ZNF676: variants seen among roughly 807,000 people sequenced by gnomAD.
ZNF676 encodes the protein zinc finger protein 676.
A neutral mutation model predicts 6.0 loss-of-function variants in ZNF676; 4 were observed. That is an observed-to-expected ratio of 0.67 (90% confidence interval 0.33 to 1.53). The LOEUF is 1.53. Among genes scored for constraint, ZNF676 ranks in the 40% most tolerant of loss-of-function variants. The pLI is 0.06. For synonymous variants in ZNF676, 198 were observed against 223.1 expected, an observed-to-expected ratio of 0.89 and a Z score of 1.00; for missense variants, 644 against 679.7, an observed-to-expected ratio of 0.95 and a Z score of 0.58.
Position 22,180,795 on chromosome 19 carries a change from G to A in ZNF676, c.922C>T (p.Pro308Ser). Residue 308 changes from proline (P) to serine (S), a missense_variant, in exon 3 of 3, where the codon CCC (proline) becomes TCC (serine). By Grantham distance (74) the Pro-to-Ser change is moderately conservative. Coordinates refer to ENST00000397121, the MANE Select transcript of ZNF676 (RefSeq NM_001001411.3). The part of the protein sequence containing the change: ...EHKRIHTGEK[P>S]YKCEECGKAF... ...TTGCCACATTCTTCACACTTGTAGG[G>A]TTTCTCTCCAGTATGAATTCTCTTA... 1 of 1,594,226 alleles carries A rather than the reference G, an allele frequency of 6.3e-7. No individual in the cohort carries two copies. Among genetic ancestry groups the A allele is most frequent in the Non-Finnish European group, 8.6e-7 (1 of 1,163,806 alleles).
chr19:22,196,843 T>C lies in ZNF676; in HGVS notation c.-210A>G. 1 of 949,862 alleles carries C rather than the reference T, an allele frequency of 1.1e-6. No homozygotes were observed. Among genetic ancestry groups the C allele is most frequent in the Non-Finnish European group, 1.6e-6 (1 of 621,786 alleles). The allele number at this position is 949,862 out of a possible 1,614,324, so 58.8% of individuals were successfully genotyped here. The stretch of plus-strand genomic sequence containing the variant: ...GCTGGTTCTGACTTATATGAATGAC[T>C]GAAATTATTCAATAAAATAGTTTTC... On this transcript the variant is annotated 5_prime_UTR_variant, in exon 1 of 3. Coordinates refer to ENST00000397121, the MANE Select transcript of ZNF676 (RefSeq NM_001001411.3).
chr19:22,251,704 C>T, the ZNF676 span, among the ~76,000 whole-genome samples: 1 of 150,836 alleles, frequency 6.6e-6, no homozygotes, highest in African/African-American at 2.4e-5. Context: ...AGGAGAATCA[C>T]TTGAACCTGG....
At chr19:22,223,456 T>C in the ZNF676 span, among the ~76,000 whole-genome samples, 2 of 152,128 alleles carry the variant, frequency 1.3e-5, no homozygotes. Flanking sequence ...CATAAACACA[T>C]TTTTGTCAGG....
the ZNF676 span, among the ~76,000 whole-genome samples, chr19:22,238,947 T>A: frequency 6.6e-6 from 1 of 152,220 alleles, no homozygotes; most frequent in African/African-American, 2.4e-5. Context: ...TCCAGCCAAC[T>A]GACTCAGTTG....
the ZNF676 span, among the ~76,000 whole-genome samples, chr19:22,227,346 G>C: frequency 6.6e-6 from 1 of 152,144 alleles, no homozygotes; most frequent in Non-Finnish European, 1.5e-5. Flanking sequence ...GAATCTCTGG[G>C]TCACAGACAA....
At chr19:22,190,629 AC>A (rs2023889093) in intron 2 of ZNF676, among the ~76,000 whole-genome samples, 2 of 113,070 alleles carry the variant, frequency 1.8e-5, no homozygotes, top group Non-Finnish European at 3.5e-5. Context: ...ATAGAATGCA[AC>A]ATATATATAT....
Position 22,181,549 on chromosome 19 carries a change from C to T in ZNF676, c.168G>A (p.Glu56=), listed in dbSNP as rs1382417760. The T allele has an allele frequency of 3.1e-6, 5 of 1,593,878 alleles. No individual in the cohort carries two copies. The highest frequency in any genetic ancestry group is 4.3e-6 in the Non-Finnish European group (5 of 1,172,278). ...TTTGGAAAGAATCTTCTATGCCTTG[C>T]TCTGGCCAAAACTCTTGGGAAAAAT... is the stretch of plus-strand genomic sequence containing the variant. ...CSHFSQEFWP[E]QGIEDSFQKM... is the part of the protein sequence containing the mutation. The change falls in exon 3 of 3, where the codon GAG becomes GAA. Residue 56 remains glutamate (E), a synonymous_variant. Coordinates refer to ENST00000397121, the MANE Select transcript of ZNF676 (RefSeq NM_001001411.3).
chr19:22,257,265 G>T, the ZNF676 span, among the ~76,000 whole-genome samples: 1 of 152,072 alleles, frequency 6.6e-6, no homozygotes, highest in African/African-American at 2.4e-5. Context: ...CTTCCCTGAG[G>T]GTAGAGAACA....
At chr19:22,234,969 AAAGAAAG>A in the ZNF676 span, among the ~76,000 whole-genome samples, 1 of 29,624 alleles carries the variant, frequency 3.4e-5, no homozygotes, top group Non-Finnish European at 6.7e-5. Flanking sequence ...CAAGAGAAAG[AAAGAAAG>A]AAAGAAAGAA....
intron 1 of ZNF676, among the ~76,000 whole-genome samples, chr19:22,211,695 T>C (rs1423475394): frequency 1.3e-5 from 2 of 152,124 alleles, no homozygotes; most frequent in Admixed American, 6.6e-5. Context: ...TAACAGGATA[T>C]AGAACAAAGA....
the ZNF676 span, among the ~76,000 whole-genome samples, chr19:22,240,066 C>G: frequency 1.3e-5 from 2 of 152,158 alleles, no homozygotes; most frequent in Non-Finnish European, 2.9e-5. Context: ...TGGGCAGGGC[C>G]TAGGCATGAG....
At chr19:22,203,302 AG>A (rs1377700206) in intron 1 of ZNF676, 11 of 153,208 alleles carry the variant, frequency 7.2e-5, no homozygotes, top group African/African-American at 2.7e-4. Flanking sequence ...TAGCTCTGAG[AG>A]TTCTCACTGT....
At chr19:22,232,986 C>CA in the ZNF676 span, among the ~76,000 whole-genome samples, 3 of 151,698 alleles carry the variant, frequency 2.0e-5, no homozygotes, top group African/African-American at 7.3e-5. Context: ...CAATAATCTT[C>CA]AAAAAAAGAA....
At chr19:22,216,581 T>C (rs2024192910), upstream of ZNF676, among the ~76,000 whole-genome samples, 1 of 152,038 alleles carries the variant, frequency 6.6e-6, no homozygotes, top group African/African-American at 2.4e-5. Context: ...TTTTACAATC[T>C]CATATTTAAC....
upstream of ZNF676, among the ~76,000 whole-genome samples, chr19:22,216,843 G>A (rs2024197072): frequency 6.6e-6 from 1 of 151,138 alleles, no homozygotes; most frequent in Non-Finnish European, 1.5e-5. Flanking sequence ...GCTAAAGTAG[G>A]AGGATTGCCT....
chr19:22,221,532 C>T, the ZNF676 span, among the ~76,000 whole-genome samples: 1 of 152,110 alleles, frequency 6.6e-6, no homozygotes, highest in Non-Finnish European at 1.5e-5. Flanking sequence ...AGGTGGATAA[C>T]CTGAGGTCAG....
chr19:22,201,832 T>C (rs904561822), upstream of ZNF676, among the ~76,000 whole-genome samples: 2 of 151,822 alleles, frequency 1.3e-5, no homozygotes, highest in African/African-American at 4.8e-5. Flanking sequence ...ACTTTAATAA[T>C]TGATTGCATA....
chr19:22,241,552 T>TA, the ZNF676 span, among the ~76,000 whole-genome samples: 1 of 151,892 alleles, frequency 6.6e-6, no homozygotes, highest in Admixed American at 6.6e-5. Context: ...TGACCATCTT[T>TA]ACTATTGGCT....
chr19:22,259,993 C>A, the ZNF676 span, among the ~76,000 whole-genome samples: 2 of 152,174 alleles, frequency 1.3e-5, no homozygotes, highest in African/African-American at 4.8e-5. Context: ...ATGCCGCAAT[C>A]CAATTTGTCA....
Sources: gnomAD v4.1 joint callset for allele counts (sites outside exome capture counted in the v4.1 genomes callset) on GRCh38, gnomAD v4.1.1 for gene constraint, MANE v1.5 for transcripts, NCBI Gene and HGNC (gene_info 2026-07-23, HGNC 2026-07-21) for gene names.